ODR4: variants seen among roughly 807,000 people sequenced by gnomAD.
The protein encoded by ODR4 is protein odr-4 homolog.
A neutral mutation model predicts 60.2 loss-of-function variants in ODR4; 47 were observed. The ratio of observed to expected loss-of-function variants is 0.78; its 90% CI spans 0.62 to 1.00. ODR4 has a LOEUF of 1.00. ODR4 is among the 50% of genes least tolerant of loss of function. The pLI is 0.00. For missense variants in ODR4, 488 were observed against 530.8 expected (o/e 0.92, Z 0.79); for synonymous variants, 178 against 175.5 (o/e 1.01, Z -0.11).
Position 186,391,733 on chromosome 1 carries a change from G to A in ODR4, c.653G>A (p.Gly218Asp), listed in dbSNP as rs1660476384. Residue 218 changes from glycine to aspartate, a missense_variant, in exon 8 of 14, where the codon GGT (glycine) becomes GAT (aspartate). Transcript: ENST00000287859. ...CGCTGGGCCAAGGAAATAGAAAATG[G>A]TGTTTATTTGATTAATGGACAAGTT... ...LTRWAKEIEN[G>D]VYLINGQVKD... is the part of the protein sequence containing the mutation. 3.7e-6 allele frequency: 6 copies of A among 1,604,906 alleles called. No homozygotes were observed. The highest frequency in any genetic ancestry group is 1.3e-5 in the African/African-American group (1 of 74,788).
In ODR4 at chr1:186,420,863, T is replaced by C. The variant is rs1312225371; in HGVS notation, c.*1787T>C. 6.6e-6 allele frequency: 1 copy of C among 152,122 alleles called. No homozygotes were observed. Among genetic ancestry groups the C allele is most frequent in the Non-Finnish European group, 1.5e-5 (1 of 68,022 alleles). The allele number at this position is 152,122 out of a possible 1,614,324, so 9.4% of individuals were successfully genotyped here. On this transcript the variant is annotated 3_prime_UTR_variant, in exon 14 of 14. Transcript: ENST00000287859. ...AAGATAACACAATTTTACAAATTTG[T>C]TGGAAAAACATGAATTCATAAATTC...
chr1:186,429,246 G>C, the ODR4 span, among the ~76,000 whole-genome samples: 3 of 151,892 alleles, frequency 2.0e-5, no homozygotes, highest in Admixed American at 2.0e-4. Context: ...ACTGAGCCTG[G>C]GTGACACACT....
chr1:186,390,607 A>G, intron 6 of ODR4, 104 bp from the exon 7 acceptor site: 1 of 1,151,282 alleles, frequency 8.7e-7, no homozygotes, highest in South Asian at 1.3e-5. Flanking sequence ...GTTAGATATG[A>G]GTTTGTATGC....
chr1:186,382,887 G>T, intron 2 of ODR4, 135 bp from the exon 3 acceptor site: 6 of 817,214 alleles, frequency 7.3e-6, no homozygotes, highest in Non-Finnish European at 1.1e-5. Flanking sequence ...TTATAATGTG[G>T]GTATTAATGA....
At chr1:186,418,976 T>C in intron 13 of ODR4, 33 bp from the exon 14 acceptor site, 1 of 1,576,866 alleles carries the variant, frequency 6.3e-7, no homozygotes. Context: ...GCTCATTCCA[T>C]TTTCATTTGT....
Position 186,398,299 on chromosome 1 carries a change from A to C in ODR4, c.781-14A>C, listed in dbSNP as rs753124087. 3 of 1,570,330 alleles carry C rather than the reference A, an allele frequency of 1.9e-6. No homozygotes were observed. The highest frequency in any genetic ancestry group is 2.6e-6 in the Non-Finnish European group (3 of 1,158,812). On this transcript the variant is annotated splice_polypyrimidine_tract_variant and intron_variant, in intron 9 of 13. Transcript: ENST00000287859. ...TTGTTGGTTATTAGAACTTAAACAG[A>C]TTTTGTCTTTCAGCTCCTGAATTCA...
downstream of ODR4, among the ~76,000 whole-genome samples, chr1:186,422,017 A>G (rs545488539): frequency 6.6e-6 from 1 of 152,222 alleles, no homozygotes; most frequent in East Asian, 1.9e-4. Flanking sequence ...CAAGTCTAAT[A>G]TTAAAATGAA....
chr1:186,418,990 G>A lies in ODR4; in HGVS notation c.1298-19G>A. On this transcript the variant is annotated intron_variant, in intron 13 of 13. Coordinates refer to ENST00000287859, the MANE Select transcript of ODR4 (RefSeq NM_017847.6). ...TGCTCATTCCATTTTCATTTGTTCT[G>A]TGTTTGTTTTACTTTTAGGTGTGAT... The A allele has an allele frequency of 6.3e-7, 1 of 1,592,568 alleles. No homozygotes were observed. The highest frequency in any genetic ancestry group is 8.6e-7 in the Non-Finnish European group (1 of 1,168,224).
chr1:186,418,267 A>G (rs1404397287), intron 13 of ODR4, among the ~76,000 whole-genome samples: 2 of 149,232 alleles, frequency 1.3e-5, no homozygotes, highest in African/African-American at 4.9e-5. Context: ...TGTCTGGACT[A>G]CTATGGTCAT....
the ODR4 span, among the ~76,000 whole-genome samples, chr1:186,430,602 TA>T: frequency 6.6e-6 from 1 of 152,140 alleles, no homozygotes; most frequent in Admixed American, 6.5e-5. Context: ...ATAACCAACA[TA>T]ATTTTAATAT....
chr1:186,422,590 CAAGT>C (rs1374091102), downstream of ODR4, among the ~76,000 whole-genome samples: 3 of 151,966 alleles, frequency 2.0e-5, no homozygotes, highest in Non-Finnish European at 4.4e-5. Flanking sequence ...TAATCAGAAG[CAAGT>C]AGAGGTCAGT....
chr1:186,398,272 C>T, intron 9 of ODR4, 41 bp from the exon 10 acceptor site: 1 of 1,508,968 alleles, frequency 6.6e-7, no homozygotes, highest in South Asian at 1.3e-5. Flanking sequence ...TGTAGTTAAT[C>T]ATTGTTGGTT....
At chr1:186,405,708 C>G (rs1005346132) in intron 11 of ODR4, among the ~76,000 whole-genome samples, 1 of 152,060 alleles carries the variant, frequency 6.6e-6, no homozygotes. Flanking sequence ...CCTGCCACCA[C>G]GCCTGACTAA....
At chr1:186,431,530 G>A in the ODR4 span, among the ~76,000 whole-genome samples, 1 of 152,066 alleles carries the variant, frequency 6.6e-6, no homozygotes, top group African/African-American at 2.4e-5. Context: ...TAAGCAGAAA[G>A]GTAGAGTAAT....
intron 6 of ODR4, among the ~76,000 whole-genome samples, chr1:186,390,424 G>T (rs1229504605): frequency 1.3e-5 from 2 of 152,158 alleles, no homozygotes; most frequent in Non-Finnish European, 2.9e-5. Context: ...TGAAGCTAGA[G>T]GATCAAAGGA....
At chr1:186,400,328 T>A (rs1164048471) in intron 11 of ODR4, among the ~76,000 whole-genome samples, 1 of 150,668 alleles carries the variant, frequency 6.6e-6, no homozygotes, top group Non-Finnish European at 1.5e-5. Context: ...GGATTTGCAA[T>A]TCACATTTAG....
chr1:186,389,377 A>G (rs1660369367), intron 5 of ODR4, among the ~76,000 whole-genome samples: 1 of 152,178 alleles, frequency 6.6e-6, no homozygotes, highest in Non-Finnish European at 1.5e-5. Flanking sequence ...CACCGCAAGT[A>G]CTATAGTGAT....
At chr1:186,415,520 G>A (rs568257290) in intron 12 of ODR4, among the ~76,000 whole-genome samples, 2 of 152,110 alleles carry the variant, frequency 1.3e-5, no homozygotes, top group East Asian at 3.8e-4. Flanking sequence ...TCATAATCTA[G>A]TTCCCTGGAG....
At chr1:186,398,908 A>C in intron 10 of ODR4, 46 bp from the exon 11 acceptor site, 1 of 1,357,256 alleles carries the variant, frequency 7.4e-7, no homozygotes, top group Non-Finnish European at 1.0e-6. Context: ...TGTAAATCTA[A>C]AGTATTTTAT....
Sources: gnomAD v4.1 joint callset for allele counts (sites outside exome capture counted in the v4.1 genomes callset) on GRCh38, gnomAD v4.1.1 for gene constraint, MANE v1.5 for transcripts, NCBI Gene and HGNC (gene_info 2026-07-23, HGNC 2026-07-21) for gene names.